Variants in LMNTD1 observed in about 807,000 individuals in gnomAD.
The protein encoded by LMNTD1 is lamin tail domain-containing protein 1.
Under a neutral mutation model 50.9 loss-of-function variants are expected in LMNTD1, and 35 were observed. That is an observed-to-expected ratio of 0.69 (90% confidence interval 0.53 to 0.91). The LOEUF (loss-of-function observed/expected upper bound fraction) is 0.91, where lower values mean the gene tolerates loss of function less well. Among genes scored for constraint, LMNTD1 ranks in the 40% least tolerant of loss-of-function variants. The pLI is 0.00. For synonymous variants in LMNTD1, 153 were observed against 161.9 expected (o/e 0.94, Z 0.42); for missense variants, 470 against 475.5 (o/e 0.99, Z 0.11).
intron 1 of LMNTD1, among the ~76,000 whole-genome samples, chr12:25,637,309 T>A (rs1177307436): frequency 1.3e-5 from 2 of 152,144 alleles, no homozygotes; most frequent in Admixed American, 1.3e-4. Flanking sequence ...GCAATGACTT[T>A]AGTCATTATA....
At chr12:25,527,320 ATTTAC>A (rs147350467) in intron 4 of LMNTD1, among the ~76,000 whole-genome samples, 22,222 of 151,886 alleles carry the variant, frequency 0.15, 1,715 homozygotes, top group East Asian at 0.2. Context: ...GAGACAAATC[ATTTAC>A]TTTATTTCTG....
chr12:25,612,703 TTA>T (rs59021563), intron 1 of LMNTD1, among the ~76,000 whole-genome samples: 4 of 151,328 alleles, frequency 2.6e-5, no homozygotes, highest in Admixed American at 6.6e-5. Flanking sequence ...TGGAATGACT[TTA>T]TATATATATA....
chr12:25,634,894 G>A (rs1196274514), intron 1 of LMNTD1, among the ~76,000 whole-genome samples: 3 of 152,082 alleles, frequency 2.0e-5, no homozygotes, highest in Non-Finnish European at 2.9e-5. Context: ...CGATATGATC[G>A]TTTACCTTGA....
At chr12:25,576,933 A>G (rs1391329667) in intron 1 of LMNTD1, among the ~76,000 whole-genome samples, 2 of 152,110 alleles carry the variant, frequency 1.3e-5, no homozygotes, top group African/African-American at 4.8e-5. Context: ...TCCCAGCACC[A>G]TTTATTAAAT....
At chr12:25,488,994 T>G (rs1362011321) in intron 9 of LMNTD1, among the ~76,000 whole-genome samples, 2 of 152,190 alleles carry the variant, frequency 1.3e-5, no homozygotes. Flanking sequence ...TTCTCAGATC[T>G]CCAGCTGTGT....
At chr12:25,625,734 C>A (rs2136578957) in intron 1 of LMNTD1, among the ~76,000 whole-genome samples, 1 of 152,310 alleles carries the variant, frequency 6.6e-6, no homozygotes, top group South Asian at 2.1e-4. Flanking sequence ...GTTGCCAGAG[C>A]CCTGCCTGGC....
At chr12:25,602,302 AAAAGAAAG>A (rs1189710288) in intron 1 of LMNTD1, among the ~76,000 whole-genome samples, 1 of 151,876 alleles carries the variant, frequency 6.6e-6, no homozygotes, top group Non-Finnish European at 1.5e-5. Context: ...ATCCAAAGAA[AAAAGAAAG>A]AAAGAAAGAA....
chr12:25,491,575 A>G (rs73296475), intron 9 of LMNTD1, among the ~76,000 whole-genome samples: 11,027 of 152,334 alleles, frequency 0.072, 476 homozygotes, highest in Middle Eastern at 0.092. Context: ...AGACCAAGTA[A>G]CAAATTCTCT....
intron 3 of LMNTD1, among the ~76,000 whole-genome samples, chr12:25,546,996 C>T (rs1439172734): frequency 6.6e-6 from 1 of 151,628 alleles, no homozygotes; most frequent in Non-Finnish European, 1.5e-5. Context: ...GAATCCTTTC[C>T]TGCAATGGTT....
intron 8 of LMNTD1, among the ~76,000 whole-genome samples, chr12:25,511,481 T>C (rs149559699): frequency 2.0e-5 from 3 of 152,260 alleles, no homozygotes; most frequent in Admixed American, 1.3e-4. Context: ...GAGACACTTG[T>C]AGGGCATCCA....
intron 1 of LMNTD1, among the ~76,000 whole-genome samples, chr12:25,576,145 A>G (rs1414896613): frequency 1.3e-5 from 2 of 152,190 alleles, no homozygotes; most frequent in Non-Finnish European, 2.9e-5. Context: ...GTGCCGCAAT[A>G]AACATATGTG....
At chr12:25,506,706 C>G (rs1291080806) in intron 8 of LMNTD1, among the ~76,000 whole-genome samples, 1 of 150,450 alleles carries the variant, frequency 6.6e-6, no homozygotes, top group Non-Finnish European at 1.5e-5. Flanking sequence ...GCTCTAACAG[C>G]TCCTGGTACA....
chr12:25,592,441 A>AC (rs1945728212), intron 1 of LMNTD1: 1 of 152,086 alleles, frequency 6.6e-6, no homozygotes, highest in Non-Finnish European at 1.5e-5. Flanking sequence ...GCCCTGGAAC[A>AC]CCCCCACTAG....
chr12:25,620,899 C>T (rs2136564088), intron 1 of LMNTD1, among the ~76,000 whole-genome samples: 1 of 152,316 alleles, frequency 6.6e-6, no homozygotes, highest in Middle Eastern at 3.4e-3. Context: ...CAACACTATG[C>T]AATAGGTGTG....
intron 4 of LMNTD1, among the ~76,000 whole-genome samples, chr12:25,532,152 AC>A (rs1565981716): frequency 6.6e-6 from 1 of 152,058 alleles, no homozygotes; most frequent in African/African-American, 2.4e-5. Context: ...TCTTTTGTAT[AC>A]GTTGTTTTTT....
chr12:25,551,661 G>C (rs1943752684), intron 2 of LMNTD1, among the ~76,000 whole-genome samples: 1 of 152,122 alleles, frequency 6.6e-6, no homozygotes, highest in Admixed American at 6.6e-5. Context: ...CAAATTGCTG[G>C]AATTACAGGC....
chr12:25,585,558 C>T, intron 1 of LMNTD1, among the ~76,000 whole-genome samples: 1 of 152,138 alleles, frequency 6.6e-6, no homozygotes, highest in Non-Finnish European at 1.5e-5. Flanking sequence ...TCCTTTTCCC[C>T]CCAGGTAAAA....
At chr12:25,608,269 A>C (rs1946161753) in intron 1 of LMNTD1, among the ~76,000 whole-genome samples, 1 of 152,104 alleles carries the variant, frequency 6.6e-6, no homozygotes, top group African/African-American at 2.4e-5. Flanking sequence ...ACACTGATGG[A>C]TCTTGACTCT....
At chr12:25,616,049 G>T (rs1429024993) in intron 1 of LMNTD1, among the ~76,000 whole-genome samples, 1 of 151,466 alleles carries the variant, frequency 6.6e-6, no homozygotes, top group Non-Finnish European at 1.5e-5. Context: ...ACTTCTAGTA[G>T]GGGAGACAGA....
Sources: allele counts gnomAD v4.1 joint callset (sites outside exome capture counted in the v4.1 genomes callset), GRCh38; gene constraint gnomAD v4.1.1; transcripts MANE v1.5; gene names NCBI Gene and HGNC (gene_info 2026-07-23, HGNC 2026-07-21).